RBFOX1: variants seen among roughly 807,000 people sequenced by gnomAD.
RBFOX1 encodes the protein RNA binding protein fox-1 homolog 1.
A neutral mutation model predicts 57.7 loss-of-function variants in RBFOX1; 8 were observed. That is an observed-to-expected ratio of 0.14 (90% CI 0.08 to 0.25). RBFOX1 has a LOEUF of 0.25. Ranked by LOEUF, RBFOX1 falls within the 10% of genes least tolerant of loss-of-function variation. The pLI is 1.00. For synonymous variants in RBFOX1, 326 were observed against 222.4 expected (o/e 1.47, Z -4.15); for missense variants, 611 against 548.5 (o/e 1.11, Z -1.14).
At chr16:7,024,679 G>A (rs185228793) in intron 3 of RBFOX1, among the ~76,000 whole-genome samples, 1 of 152,074 alleles carries the variant, frequency 6.6e-6, no homozygotes, top group Admixed American at 6.5e-5. Flanking sequence ...ACTTAGATAC[G>A]AATGGAGGAG....
At chr16:6,467,413 G>C (rs1247931220) in intron 2 of RBFOX1, among the ~76,000 whole-genome samples, 1 of 152,024 alleles carries the variant, frequency 6.6e-6, no homozygotes, top group Non-Finnish European at 1.5e-5. Context: ...AATTATTTAT[G>C]TTACTGTTAA....
chr16:6,663,863 T>A (rs866183779), intron 3 of RBFOX1, among the ~76,000 whole-genome samples: 1 of 152,202 alleles, frequency 6.6e-6, no homozygotes. Context: ...AGGTTGAGCA[T>A]GGCATGACTA....
At chr16:7,393,265 G>C (rs543221532) in intron 4 of RBFOX1, among the ~76,000 whole-genome samples, 1 of 152,174 alleles carries the variant, frequency 6.6e-6, no homozygotes, top group African/African-American at 2.4e-5. Context: ...GCCCATGCAG[G>C]ATCTCACTTC....
At chr16:7,710,601 C>T (rs758856326) in intron 15 of RBFOX1, 22 bp from the exon 16 acceptor site, 1 of 1,609,468 alleles carries the variant, frequency 6.2e-7, no homozygotes, top group African/African-American at 1.3e-5. Context: ...AAAAACACAC[C>T]CCTCAAATTG....
rs2083293987 is a variant in RBFOX1 at position 6,962,767 on chromosome 16, A to C, written c.-15-89290A>C. ...TAGCCCCAGCTACCTTAGAAGGCTGAGGTGAAAAGATCACTTGAGCCCAGG... is the reference window on the plus strand; with the variant it reads ...TAGCCCCAGCTACCTTAGAAGGCTGCGGTGAAAAGATCACTTGAGCCCAGG... On this transcript the variant is annotated intron_variant, in intron 3 of 15. Transcript: ENST00000550418. 6.6e-5 allele frequency among the ~76,000 whole-genome samples: 10 copies of C among 152,246 alleles called. No homozygotes were observed. The South Asian group carries it at 2.1e-3, about 32-fold the overall frequency.
At chr16:7,147,513 C>G (rs1290260460) in intron 4 of RBFOX1, among the ~76,000 whole-genome samples, 1 of 152,054 alleles carries the variant, frequency 6.6e-6, no homozygotes, top group Non-Finnish European at 1.5e-5. Context: ...TGCTCTTATC[C>G]TGATGTCCAT....
intron 1 of RBFOX1, among the ~76,000 whole-genome samples, chr16:6,107,268 G>T (rs1395246271): frequency 6.6e-6 from 1 of 152,056 alleles, no homozygotes; most frequent in Non-Finnish European, 1.5e-5. Context: ...TAGTAGGTCT[G>T]CTAGGAAAGG....
Position 7,172,991 on chromosome 16 carries a change from A to G in RBFOX1, c.27+120893A>G, listed in dbSNP as rs543101824. On this transcript the variant is annotated intron_variant, in intron 4 of 15. Coordinates refer to ENST00000550418, the MANE Select transcript of RBFOX1 (RefSeq NM_018723.4). ...GGTTTTCGTGTAAAAGAATTGCAAA[A>G]CAAAGAAAAACTACCACGTGTGTAT... Among the ~76,000 whole-genome samples, 8 of 152,322 alleles carry G rather than the reference A, an allele frequency of 5.3e-5. No homozygotes were observed. The South Asian group carries it at 1.7e-3, about 32-fold the overall frequency.
intron 2 of RBFOX1, among the ~76,000 whole-genome samples, chr16:6,593,689 T>G (rs1366278222): frequency 1.3e-5 from 2 of 152,222 alleles, no homozygotes; most frequent in Non-Finnish European, 2.9e-5. Flanking sequence ...GTGAATTGTT[T>G]GAAGGAAGTA....
In RBFOX1 at chr16:7,441,002, A is replaced by G. The variant is rs547520842; in HGVS notation, c.28-77145A>G. On this transcript the variant is annotated intron_variant, in intron 4 of 15. Coordinates refer to ENST00000550418, the MANE Select transcript of RBFOX1 (RefSeq NM_018723.4). Reference sequence around the variant, plus strand: ...CGTTGCGCTGAGCTAGGATCATGCCACTGTGCTTCAGCATGGGTGACAGAG... The same window carrying G: ...CGTTGCGCTGAGCTAGGATCATGCCGCTGTGCTTCAGCATGGGTGACAGAG... Among the ~76,000 whole-genome samples the G allele has an allele frequency of 2.2e-4, 33 of 152,176 alleles. 1 individual carries two copies. The highest frequency in any genetic ancestry group is 7.0e-4 in the African/African-American group (29 of 41,498).
In RBFOX1 at chr16:7,601,236, T is replaced by C. The variant is rs1474748638; in HGVS notation, c.622+3805T>C. ...TGGCTCTTGAATTGTAGGAAGTTGT[T>C]TAAACTCTCCATGTGCCAGCTCTCT... is the stretch of plus-strand genomic sequence containing the variant. On this transcript the variant is annotated intron_variant, in intron 9 of 15. Coordinates refer to ENST00000550418, the MANE Select transcript of RBFOX1 (RefSeq NM_018723.4). Among the ~76,000 whole-genome samples, 3 of 152,178 alleles carry C rather than the reference T, an allele frequency of 2.0e-5. No individual in the cohort carries two copies. In the East Asian group the frequency reaches 5.8e-4, roughly 29 times the overall value.
intron 4 of RBFOX1, among the ~76,000 whole-genome samples, chr16:7,080,051 T>C (rs1199222850): frequency 7.1e-6 from 1 of 140,902 alleles, no homozygotes. Flanking sequence ...TGTATATATA[T>C]ATACATATTA....
chr16:7,421,699 C>T (rs533246810), intron 4 of RBFOX1, among the ~76,000 whole-genome samples: 2 of 152,354 alleles, frequency 1.3e-5, no homozygotes, highest in East Asian at 3.9e-4. Flanking sequence ...ATGGCCTTTG[C>T]CAAAGGGCAG....
intron 1 of RBFOX1, among the ~76,000 whole-genome samples, chr16:5,359,275 T>C (rs543362441): frequency 7.2e-5 from 11 of 152,354 alleles, no homozygotes; most frequent in Non-Finnish European, 1.5e-4. Flanking sequence ...GTACCTGGCA[T>C]GAGAGTGCAG....
chr16:7,433,925 G>A (rs566955548), intron 4 of RBFOX1, among the ~76,000 whole-genome samples: 25 of 152,312 alleles, frequency 1.6e-4, no homozygotes, highest in African/African-American at 5.3e-4. Flanking sequence ...TGGTAGATAG[G>A]TATGTTAGAC....
At chr16:6,253,683 G>C (rs2097641197) in intron 1 of RBFOX1, among the ~76,000 whole-genome samples, 2 of 98,538 alleles carry the variant, frequency 2.0e-5, no homozygotes, top group African/African-American at 5.5e-5. Context: ...GCATGTGTGT[G>C]TGTGTGTGTG....
intron 5 of RBFOX1, among the ~76,000 whole-genome samples, chr16:7,563,354 G>A (rs1169221306): frequency 6.6e-6 from 1 of 152,202 alleles, no homozygotes; most frequent in South Asian, 2.1e-4. Context: ...TAAGTAACCT[G>A]CTGCAGTTCA....
At chr16:6,450,777 A>ATACATATATATATG (rs1555480496) in intron 2 of RBFOX1, among the ~76,000 whole-genome samples, 13 of 39,522 alleles carry the variant, frequency 3.3e-4, no homozygotes, top group African/African-American at 7.6e-4. Flanking sequence ...GTATATATAT[A>ATACATATATATATG]TATATATATA....
intron 2 of RBFOX1, among the ~76,000 whole-genome samples, chr16:5,548,174 A>AAAAAAATATATATATATAT (rs1555462290): frequency 3.0e-5 from 1 of 33,580 alleles, no homozygotes; most frequent in African/African-American, 8.0e-5. Context: ...AAAAAAAAAA[A>AAAAAAATATATATATATAT]ATATATATAT....
Sources: gnomAD v4.1 joint callset for allele counts (sites outside exome capture counted in the v4.1 genomes callset) on GRCh38, gnomAD v4.1.1 for gene constraint, MANE v1.5 for transcripts, NCBI Gene and HGNC (gene_info 2026-07-23, HGNC 2026-07-21) for gene names.